The following OSBPL3 variants were observed in gnomAD, a reference collection of about 807,000 sequenced individuals.
OSBPL3 encodes oxysterol-binding protein-related protein 3.
A neutral mutation model predicts 120.1 loss-of-function variants in OSBPL3; 65 were observed. That is an observed-to-expected ratio of 0.54 (90% CI 0.44 to 0.67). OSBPL3 has a LOEUF of 0.67. Ranked by LOEUF, OSBPL3 falls within the 30% of genes least tolerant of loss-of-function variation. The pLI is 0.00. For missense variants in OSBPL3, 1,004 were observed against 1,082.1 expected (o/e 0.93, Z 1.01); for synonymous variants, 416 against 402.6 (o/e 1.03, Z -0.40).
Position 24,863,743 on chromosome 7 carries a change from T to C in OSBPL3, c.674-144A>G. 1.6e-6 allele frequency: 1 copy of C among 612,412 alleles called. No individual in the cohort carries two copies. The highest frequency in any genetic ancestry group is 2.9e-6 in the Non-Finnish European group (1 of 344,522). 37.9% of individuals were successfully genotyped at this position (612,412 alleles called of 1,614,324 possible). ...AAGGGTTGGAAATTTTACTTCCTTT[T>C]TTACAGGAAAGGCTGTAGACTCTAG... On this transcript the variant is annotated intron_variant, in intron 7 of 22. Transcript: ENST00000313367. This position sits in a 1 kb window ranked among gnomAD's most constrained non-coding sequence, Gnocchi z 5.8.
At chr7:24,961,931 C>T (rs912024851) in intron 1 of OSBPL3, among the ~76,000 whole-genome samples, 3 of 152,172 alleles carry the variant, frequency 2.0e-5, no homozygotes, top group African/African-American at 7.2e-5. Context: ...GTGTTCACAA[C>T]ATCATAAAGG....
intron 4 of OSBPL3, 107 bp from the exon 5 acceptor site, chr7:24,870,952 C>A: frequency 2.7e-6 from 2 of 748,330 alleles, no homozygotes; most frequent in South Asian, 1.5e-5. Context: ...ACAAACACTG[C>A]GACTCATCAA....
At position 24,806,715 on chromosome 7, in the gene OSBPL3, A is replaced by AT; in HGVS notation, c.2444+60dup. ...GCCTCTGGTGGCCTAAGGATTGTTA[A>AT]TAAGACTTTTTGTAAAGGGTTTTAC... On this transcript the variant is annotated intron_variant, in intron 21 of 22. Transcript: ENST00000313367. This position sits in a 1 kb window ranked among gnomAD's most constrained non-coding sequence, Gnocchi z 5.2. 8 of 1,540,044 alleles carry AT rather than the reference A, an allele frequency of 5.2e-6. No homozygotes were observed. Among genetic ancestry groups the AT allele is most frequent in the Non-Finnish European group, 5.3e-6 (6 of 1,129,854 alleles).
chr7:24,970,299 G>A (rs1163538143), intron 1 of OSBPL3, among the ~76,000 whole-genome samples: 3 of 151,880 alleles, frequency 2.0e-5, no homozygotes, highest in Non-Finnish European at 2.9e-5. Context: ...TAGAGACTTG[G>A]TTTCACCACG....
At chr7:24,861,849 T>C (rs1452776520) in intron 9 of OSBPL3, 80 bp from the exon 10 acceptor site, 9 of 977,444 alleles carry the variant, frequency 9.2e-6, no homozygotes, top group Non-Finnish European at 1.3e-5. Context: ...GATTGAAACA[T>C]GGTAATACAA....
chr7:24,908,494 C>T (rs1026085802), intron 1 of OSBPL3, among the ~76,000 whole-genome samples: 1 of 152,200 alleles, frequency 6.6e-6, no homozygotes, highest in Non-Finnish European at 1.5e-5. Context: ...CTACCATGCC[C>T]TCTTTACCCA....
intron 1 of OSBPL3, among the ~76,000 whole-genome samples, chr7:24,977,792 T>C (rs1584782149): frequency 6.6e-6 from 1 of 151,820 alleles, no homozygotes; most frequent in Non-Finnish European, 1.5e-5. Context: ...GGAGGCGGAG[T>C]TTGCAGTGAG....
chr7:24,875,150 G>C (rs1433897346), intron 2 of OSBPL3, among the ~76,000 whole-genome samples: 1 of 152,214 alleles, frequency 6.6e-6, no homozygotes, highest in African/African-American at 2.4e-5. Flanking sequence ...AATCACTTGA[G>C]CATGGAACCA....
At chr7:24,893,737 G>A (rs911737127) in intron 1 of OSBPL3, among the ~76,000 whole-genome samples, 2 of 151,488 alleles carry the variant, frequency 1.3e-5, no homozygotes, top group African/African-American at 4.8e-5. Flanking sequence ...GCTTGAAACC[G>A]GGCGGCGGGG....
At chr7:24,865,271 C>G (rs750645515) in intron 7 of OSBPL3, 71 bp downstream of exon 7, 2 of 1,510,898 alleles carry the variant, frequency 1.3e-6, no homozygotes, top group Non-Finnish European at 1.8e-6. Context: ...ACAAATGAAT[C>G]TGAAGTGTAA....
intron 12 of OSBPL3, among the ~76,000 whole-genome samples, chr7:24,844,747 T>A (rs745849427): frequency 3.3e-5 from 5 of 152,170 alleles, no homozygotes; most frequent in Non-Finnish European, 7.3e-5. Flanking sequence ...TAAATAAATA[T>A]CACTTCAAGT....
At chr7:24,904,496 T>C (rs767531212) in intron 1 of OSBPL3, among the ~76,000 whole-genome samples, 5 of 152,214 alleles carry the variant, frequency 3.3e-5, no homozygotes, top group Non-Finnish European at 5.9e-5. Flanking sequence ...GTGTTAAGTA[T>C]TGTAAGTAAT....
chr7:24,928,150 C>T (rs947668918), intron 1 of OSBPL3, among the ~76,000 whole-genome samples: 6 of 151,852 alleles, frequency 4.0e-5, no homozygotes, highest in Admixed American at 3.3e-4. Context: ...AACCATGTGT[C>T]CTGTACAGCC....
rs966577257 is a variant in OSBPL3, at chr7:24,936,310, A to G, written c.-150+43576T>C. ...GGGCTAACTTTTCCTCTCACAATCC[A>G]CAAACATGAATACGTTCTTTCAATA... On this transcript the variant is annotated intron_variant, in intron 1 of 22. Transcript: ENST00000313367. This position sits in a 1 kb window ranked among gnomAD's most constrained non-coding sequence, Gnocchi z 4.2. Among the ~76,000 whole-genome samples the G allele has an allele frequency of 6.6e-6, 1 of 152,186 alleles. No homozygotes were observed. The highest frequency in any genetic ancestry group is 2.4e-5 in the African/African-American group (1 of 41,444).
rs129 is a variant in OSBPL3, at chr7:24,918,662, C to T, written c.-149-26041G>A. ...TAACAAATGTTCACTAATCACTTAC[C>T]ATTGGTCAGGCACAGTTTTAGACAC... is the stretch of plus-strand genomic sequence containing the variant. On this transcript the variant is annotated intron_variant, in intron 1 of 22. Coordinates refer to ENST00000313367, the MANE Select transcript of OSBPL3 (RefSeq NM_015550.4). This position sits in a 1 kb window ranked among gnomAD's most constrained non-coding sequence, Gnocchi z 4.3. 0.65 allele frequency among the ~76,000 whole-genome samples: 98,240 copies of T among 152,082 alleles called. 32,984 individuals are homozygous for T. The highest frequency in any genetic ancestry group is 0.91 in the East Asian group (4,709 of 5,188).
rs1382897492 is a variant in OSBPL3, at chr7:24,808,849, G to A, written c.2317+958C>T. ...AAGTCCCATTTGCTGCGGGATCTTA[G>A]GAAATGTTCCTGAGAAAAGAGAGGC... On this transcript the variant is annotated intron_variant, in intron 20 of 22. Coordinates refer to ENST00000313367, the MANE Select transcript of OSBPL3 (RefSeq NM_015550.4). The surrounding 1 kb of genome is among the most constrained non-coding windows in gnomAD (Gnocchi z 4.6). Among the ~76,000 whole-genome samples the A allele has an allele frequency of 6.6e-6, 1 of 152,196 alleles. No individual in the cohort carries two copies. Among genetic ancestry groups the A allele is most frequent in the Non-Finnish European group, 1.5e-5 (1 of 68,030 alleles).
chr7:24,817,526 A>G lies in OSBPL3; in HGVS notation c.1949-838T>C, dbSNP rs1223510207. Among the ~76,000 whole-genome samples, 1 of 152,084 alleles carries G rather than the reference A, an allele frequency of 6.6e-6. No homozygotes were observed. The highest frequency in any genetic ancestry group is 2.4e-5 in the African/African-American group (1 of 41,404). ...GCCAAAAAAAACAAAACAAAACTGA[A>G]AACGAAAAACAATGGGCTCTCCAAG... On this transcript the variant is annotated intron_variant, in intron 17 of 22. Transcript: ENST00000313367. The surrounding 1 kb of genome is among the most constrained non-coding windows in gnomAD (Gnocchi z 4.0).
At chr7:24,828,606 G>GAAAAAAGAAAAAA (rs1491571662) in intron 16 of OSBPL3, among the ~76,000 whole-genome samples, 1 of 32,522 alleles carries the variant, frequency 3.1e-5, no homozygotes, top group African/African-American at 1.6e-4. Context: ...GACTCTGTCT[G>GAAAAAAGAAAAAA]AAAAAAAAAA....
rs1168873786 is a variant in OSBPL3, at chr7:24,968,287, C to T, written c.-150+11599G>A. On this transcript the variant is annotated intron_variant, in intron 1 of 22. Transcript: ENST00000313367. The surrounding 1 kb of genome is among the most constrained non-coding windows in gnomAD (Gnocchi z 4.6). ...TTTCCTGATTTCCATGGTGTAAATACTCCCACTGTGGCTGGCTTCAAACTA... is the reference window on the plus strand; with the variant it reads ...TTTCCTGATTTCCATGGTGTAAATATTCCCACTGTGGCTGGCTTCAAACTA... Among the ~76,000 whole-genome samples, 1 of 152,202 alleles carries T rather than the reference C, an allele frequency of 6.6e-6. No individual in the cohort carries two copies. The highest frequency in any genetic ancestry group is 6.5e-5 in the Admixed American group (1 of 15,270).
Sources: gnomAD v4.1 joint callset for allele counts (sites outside exome capture counted in the v4.1 genomes callset) on GRCh38, gnomAD v4.1.1 for gene constraint, Gnocchi (gnomAD v3.1) non-coding constraint, MANE v1.5 for transcripts, NCBI Gene and HGNC (gene_info 2026-07-23, HGNC 2026-07-21) for gene names.